HVCN1: variants seen among roughly 807,000 people sequenced by gnomAD.
HVCN1 encodes hydrogen voltage gated channel 1.
HVCN1 carries 14 observed loss-of-function variants against 29.2 expected under a neutral mutation model. That is an observed-to-expected ratio of 0.48 (90% CI 0.32 to 0.75). HVCN1 has a LOEUF of 0.75. Ranked by LOEUF, HVCN1 falls within the 30% of genes least tolerant of loss-of-function variation. HVCN1 has a pLI of 0.04. For synonymous variants in HVCN1, 131 were observed against 133.2 expected, an observed-to-expected ratio of 0.98 and a Z score of 0.11; for missense variants, 263 against 341.8, an observed-to-expected ratio of 0.77 and a Z score of 1.82.
chr12:110,686,014 CCT>C (rs1178127953), intron 2 of HVCN1, among the ~76,000 whole-genome samples: 1 of 151,474 alleles, frequency 6.6e-6, no homozygotes, highest in African/African-American at 2.4e-5. Context: ...TTTTTTTTCC[CCT>C]GAGACAGAGT....
chr12:110,666,134 T>C (rs1379798941), intron 3 of HVCN1, among the ~76,000 whole-genome samples: 1 of 151,346 alleles, frequency 6.6e-6, no homozygotes, highest in East Asian at 1.9e-4. Flanking sequence ...AAAAGATCAA[T>C]GAGGCTGGGC....
chr12:110,698,424 T>C (rs755887846), intron 2 of HVCN1, among the ~76,000 whole-genome samples: 2 of 152,298 alleles, frequency 1.3e-5, no homozygotes, highest in East Asian at 1.9e-4. Context: ...AGCATCTCCT[T>C]GTTCCACCTG....
intron 3 of HVCN1, among the ~76,000 whole-genome samples, chr12:110,677,206 TAA>T (rs761362057): frequency 6.9e-6 from 1 of 144,122 alleles, no homozygotes. Flanking sequence ...CCTTGTCTGT[TAA>T]AAAAAAAAAA....
chr12:110,657,074 T>C (rs1015704474), intron 4 of HVCN1, among the ~76,000 whole-genome samples: 1 of 152,216 alleles, frequency 6.6e-6, no homozygotes, highest in African/African-American at 2.4e-5. Context: ...TCACACATTA[T>C]ATGATCCCAT....
At chr12:110,672,603 A>G (rs1009230488) in intron 3 of HVCN1, among the ~76,000 whole-genome samples, 4 of 152,288 alleles carry the variant, frequency 2.6e-5, no homozygotes, top group African/African-American at 4.8e-5. Context: ...GGTTTGGCTG[A>G]TACCAAACCT....
At chr12:110,684,953 T>C (rs1271709274) in intron 2 of HVCN1, among the ~76,000 whole-genome samples, 4 of 152,162 alleles carry the variant, frequency 2.6e-5, no homozygotes, top group Non-Finnish European at 5.9e-5. Context: ...ATTTTTTTTG[T>C]AAACAAATGT....
At chr12:110,672,478 A>G (rs1223577573) in intron 3 of HVCN1, among the ~76,000 whole-genome samples, 1 of 152,172 alleles carries the variant, frequency 6.6e-6, no homozygotes, top group Non-Finnish European at 1.5e-5. Flanking sequence ...ACACACCCAC[A>G]GGGAAAGGGG....
In HVCN1 at chr12:110,649,278, A is replaced by G; in HGVS notation, c.*132T>C. 2 of 729,790 alleles carry G rather than the reference A, an allele frequency of 2.7e-6. No homozygotes were observed. Among genetic ancestry groups the G allele is most frequent in the South Asian group, 3.1e-5 (2 of 64,302 alleles). 45.2% of individuals were successfully genotyped at this position (729,790 alleles called of 1,614,324 possible). A position where few individuals can be genotyped will look rare whatever the true frequency, so the allele number is the denominator to read the frequency against. On this transcript the variant is annotated 3_prime_UTR_variant, in exon 8 of 8. Transcript: ENST00000242607. ...ACAAGGCTGTGTCCACCCAGAATCC[A>G]TGCTGGCAGGAGGGAGGCAGAGGTA... is the stretch of plus-strand genomic sequence containing the variant.
intron 3 of HVCN1, among the ~76,000 whole-genome samples, chr12:110,673,949 C>G (rs2068665215): frequency 6.6e-6 from 1 of 152,212 alleles, no homozygotes; most frequent in South Asian, 2.1e-4. Flanking sequence ...CCTAGTAGAG[C>G]TGTGAGAAGA....
At chr12:110,703,685 C>T (rs11065699) in intron 1 of HVCN1, among the ~76,000 whole-genome samples, 2,590 of 151,976 alleles carry the variant, frequency 0.017, 35 homozygotes, top group Admixed American at 0.026. Context: ...TTTCCCCCCG[C>T]CTCTCTCTTT....
intron 3 of HVCN1, among the ~76,000 whole-genome samples, chr12:110,682,193 G>A (rs756453876): frequency 1.3e-5 from 2 of 152,066 alleles, no homozygotes; most frequent in Non-Finnish European, 2.9e-5. Flanking sequence ...TCACCATGTT[G>A]GCCAGGCTGG....
At chr12:110,656,214 C>G (rs1224184963) in intron 4 of HVCN1, among the ~76,000 whole-genome samples, 1 of 152,188 alleles carries the variant, frequency 6.6e-6, no homozygotes, top group Non-Finnish European at 1.5e-5. Context: ...CCTGCCCCAG[C>G]TCTCGTGTGC....
intron 2 of HVCN1, among the ~76,000 whole-genome samples, chr12:110,685,223 G>A (rs2069134098): frequency 6.6e-6 from 1 of 152,206 alleles, no homozygotes; most frequent in Non-Finnish European, 1.5e-5. Context: ...GACAGAAGCA[G>A]AGGCTGGAGT....
rs537397808 is a variant in HVCN1, at chr12:110,666,720, T to G, written c.22-5272A>C. Among the ~76,000 whole-genome samples the G allele has an allele frequency of 1.4e-4, 21 of 152,214 alleles. No individual in the cohort carries two copies. In the South Asian group the frequency reaches 4.4e-3, roughly 32 times the overall value. ...CAACCTGGAATACTCTTCTCCCCAA[T>G]CCGAGCTTCGCTTACTCTTGCTTAT... On this transcript the variant is annotated intron_variant, in intron 3 of 7. Transcript: ENST00000242607.
At chr12:110,665,178 G>T (rs1317391568) in intron 3 of HVCN1, among the ~76,000 whole-genome samples, 1 of 152,162 alleles carries the variant, frequency 6.6e-6, no homozygotes, top group East Asian at 1.9e-4. Flanking sequence ...CATCATAGAT[G>T]CATACTGTCT....
intron 5 of HVCN1, among the ~76,000 whole-genome samples, chr12:110,654,705 C>T (rs1292609572): frequency 6.6e-6 from 1 of 152,084 alleles, no homozygotes; most frequent in Admixed American, 6.5e-5. Context: ...GTCTCGAACT[C>T]CTGACCTCAG....
At chr12:110,692,527 C>T (rs1035088824), upstream of HVCN1, among the ~76,000 whole-genome samples, 2 of 151,836 alleles carry the variant, frequency 1.3e-5, no homozygotes, top group Non-Finnish European at 2.9e-5. Context: ...CAAGATGAGC[C>T]TTGGTGACAG....
intron 5 of HVCN1, among the ~76,000 whole-genome samples, 183 bp downstream of exon 5, chr12:110,655,051 A>G (rs1038432376): frequency 6.6e-6 from 1 of 152,080 alleles, no homozygotes; most frequent in Admixed American, 6.5e-5. Flanking sequence ...ATGTGAAACA[A>G]CGTTTCCTGC....
At chr12:110,651,777 G>C (rs546334716) in intron 5 of HVCN1, among the ~76,000 whole-genome samples, 1 of 152,218 alleles carries the variant, frequency 6.6e-6, no homozygotes, top group Non-Finnish European at 1.5e-5. Context: ...TTTCTGCATT[G>C]TAAGACAACA....
Sources: gnomAD v4.1 joint callset for allele counts (sites outside exome capture counted in the v4.1 genomes callset) on GRCh38, gnomAD v4.1.1 for gene constraint, MANE v1.5 for transcripts, NCBI Gene and HGNC (gene_info 2026-07-23, HGNC 2026-07-21) for gene names.